CLEC16A: variants seen among roughly 807,000 people sequenced by gnomAD.
CLEC16A encodes the protein C-type lectin domain containing 16A.
A neutral mutation model predicts 109.5 loss-of-function variants in CLEC16A; 51 were observed. The observed-to-expected ratio is 0.47, with a 90% CI of 0.37 to 0.59. The LOEUF is 0.59. Ranked by LOEUF, CLEC16A falls within the 20% of genes least tolerant of loss-of-function variation. The pLI is 0.00. For synonymous variants in CLEC16A, 673 were observed against 564.2 expected (o/e 1.19, Z -2.73); for missense variants, 1,339 against 1,394.0 (o/e 0.96, Z 0.63).
intron 19 of CLEC16A, among the ~76,000 whole-genome samples, chr16:11,078,164 G>A (rs2049495948): frequency 6.7e-6 from 1 of 150,230 alleles, no homozygotes; most frequent in Admixed American, 6.7e-5. Flanking sequence ...GGCCAGGACA[G>A]AGCTGTGACC....
At chr16:11,105,501 C>T (rs150496747) in intron 19 of CLEC16A, among the ~76,000 whole-genome samples, 23 of 152,264 alleles carry the variant, frequency 1.5e-4, no homozygotes, top group East Asian at 7.7e-4. Flanking sequence ...AAATTTGACA[C>T]GGGGGAAAGA....
intron 19 of CLEC16A, among the ~76,000 whole-genome samples, chr16:11,095,771 C>T (rs544818267): frequency 1.3e-5 from 2 of 149,746 alleles, no homozygotes; most frequent in East Asian, 2.0e-4. Flanking sequence ...GAGATCGTAC[C>T]GCTGCACTCC....
intron 22 of CLEC16A, among the ~76,000 whole-genome samples, chr16:11,149,651 T>A (rs1356042712): frequency 6.6e-6 from 1 of 152,072 alleles, no homozygotes; most frequent in African/African-American, 2.4e-5. Flanking sequence ...TAGCTGGGCA[T>A]GATGGTGCCC....
At chr16:11,123,489 G>T (rs889069670) in intron 20 of CLEC16A, among the ~76,000 whole-genome samples, 3 of 152,166 alleles carry the variant, frequency 2.0e-5, no homozygotes, top group Non-Finnish European at 2.9e-5. Context: ...ATGGAAAACA[G>T]GCACCAGCCA....
At chr16:11,122,456 C>G (rs2052492629) in intron 20 of CLEC16A, among the ~76,000 whole-genome samples, 1 of 152,078 alleles carries the variant, frequency 6.6e-6, no homozygotes, top group African/African-American at 2.4e-5. Flanking sequence ...TGTCTTCCAT[C>G]AGACAATGAA....
intron 4 of CLEC16A, 44 bp downstream of exon 4, chr16:10,969,353 G>A (rs1319389121): frequency 6.5e-6 from 9 of 1,392,048 alleles, no homozygotes; most frequent in South Asian, 1.4e-5. Flanking sequence ...AAAGCCACAC[G>A]TGGCTTTTTT....
At chr16:10,986,000 C>T (rs1288265221) in intron 10 of CLEC16A, among the ~76,000 whole-genome samples, 1 of 136,258 alleles carries the variant, frequency 7.3e-6, no homozygotes, top group Non-Finnish European at 1.5e-5. Flanking sequence ...GACACTGCAC[C>T]TGGCCTGCAG....
intron 19 of CLEC16A, among the ~76,000 whole-genome samples, chr16:11,113,662 G>GA (rs946477562): frequency 5.3e-4 from 80 of 151,712 alleles, no homozygotes; most frequent in Middle Eastern, 3.4e-3. Flanking sequence ...CTGTCTCAAA[G>GA]AAAAAAAACA....
intron 19 of CLEC16A, among the ~76,000 whole-genome samples, chr16:11,080,261 T>G (rs1386654547): frequency 6.6e-6 from 1 of 152,204 alleles, no homozygotes; most frequent in African/African-American, 2.4e-5. Flanking sequence ...GTGATGCACT[T>G]CAGCAGGTGG....
chr16:10,993,189 A>G (rs1186492694), intron 10 of CLEC16A, among the ~76,000 whole-genome samples: 1 of 152,066 alleles, frequency 6.6e-6, no homozygotes. Context: ...GCCAGCCTAG[A>G]CAACATGGTA....
At chr16:11,005,126 G>A (rs1474666487) in intron 11 of CLEC16A, among the ~76,000 whole-genome samples, 1 of 152,162 alleles carries the variant, frequency 6.6e-6, no homozygotes, top group Non-Finnish European at 1.5e-5. Flanking sequence ...TTTTAAGGAT[G>A]CTCTCTAACC....
At chr16:10,979,044 T>G (rs1463589353) in intron 8 of CLEC16A, among the ~76,000 whole-genome samples, 1 of 152,070 alleles carries the variant, frequency 6.6e-6, no homozygotes, top group South Asian at 2.1e-4. Context: ...CAAATGAACG[T>G]GCTTGGTAAC....
intron 19 of CLEC16A, among the ~76,000 whole-genome samples, chr16:11,085,952 G>A (rs539630443): frequency 6.6e-6 from 1 of 152,182 alleles, no homozygotes; most frequent in Admixed American, 6.5e-5. Context: ...ATCAGTACCT[G>A]TGGGAAGTGA....
Position 11,024,812 on chromosome 16 carries a change from C to G in CLEC16A, c.1437-9C>G, listed in dbSNP as rs2046319309. 1.3e-6 allele frequency: 2 copies of G among 1,586,500 alleles called. No homozygotes were observed. The highest frequency in any genetic ancestry group is 1.7e-6 in the Non-Finnish European group (2 of 1,165,390). On this transcript the variant is annotated splice_polypyrimidine_tract_variant and intron_variant, in intron 12 of 23. Transcript: ENST00000409790. Reference sequence around the variant, plus strand: ...CGTGAGGCTCATACATGCCCCTCCTCTTTTCCAGACCCTTCCTGGATATGG... The same window carrying G: ...CGTGAGGCTCATACATGCCCCTCCTGTTTTCCAGACCCTTCCTGGATATGG...
intron 19 of CLEC16A, among the ~76,000 whole-genome samples, chr16:11,094,068 T>C (rs2050464584): frequency 6.6e-6 from 1 of 152,162 alleles, no homozygotes; most frequent in Non-Finnish European, 1.5e-5. Context: ...ATTTCTGCCT[T>C]CTTTTGTAAC....
chr16:11,031,669 A>T (rs1272931578), intron 13 of CLEC16A, among the ~76,000 whole-genome samples: 2 of 152,218 alleles, frequency 1.3e-5, no homozygotes, highest in Non-Finnish European at 2.9e-5. Flanking sequence ...TGGTGAAGCA[A>T]ACAAATGCTT....
chr16:11,172,522 A>G (rs989040943), intron 23 of CLEC16A, among the ~76,000 whole-genome samples: 1 of 152,188 alleles, frequency 6.6e-6, no homozygotes, highest in Non-Finnish European at 1.5e-5. Context: ...GACAGTGTGA[A>G]TGTCAGCCTG....
intron 12 of CLEC16A, among the ~76,000 whole-genome samples, chr16:11,023,873 A>G (rs1276188599): frequency 1.3e-5 from 2 of 152,216 alleles, no homozygotes; most frequent in Non-Finnish European, 2.9e-5. Context: ...AGACAGTGGG[A>G]GGATCAGAGC....
At chr16:11,088,124 C>T (rs1376369714) in intron 19 of CLEC16A, among the ~76,000 whole-genome samples, 7 of 152,268 alleles carry the variant, frequency 4.6e-5, no homozygotes, top group Non-Finnish European at 1.0e-4. Flanking sequence ...CCCAGTCCCT[C>T]AGTGCGGATC....
Sources: allele counts gnomAD v4.1 joint callset (sites outside exome capture counted in the v4.1 genomes callset), GRCh38; gene constraint gnomAD v4.1.1; transcripts MANE v1.5; gene names NCBI Gene and HGNC (gene_info 2026-07-23, HGNC 2026-07-21).